CPA4: variants seen among roughly 807,000 people sequenced by gnomAD.
CPA4 encodes carboxypeptidase A4.
A neutral mutation model predicts 54.7 loss-of-function variants in CPA4; 49 were observed. The ratio of observed to expected loss-of-function variants is 0.90; its 90% CI spans 0.71 to 1.14. The LOEUF is 1.14. CPA4 is among the 50% of genes most tolerant of loss of function. CPA4 has a pLI of 0.00. For missense variants in CPA4, 487 were observed against 525.1 expected (o/e 0.93, Z 0.71); for synonymous variants, 215 against 206.8 (o/e 1.04, Z -0.34).
In CPA4 at chr7:130,293,233, A is replaced by C. The variant is rs1793599704; in HGVS notation, c.53A>C (p.Gln18Pro). 6.2e-7 allele frequency: 1 copy of C among 1,609,962 alleles called. No homozygotes were observed. The highest frequency in any genetic ancestry group is 8.5e-7 in the Non-Finnish European group (1 of 1,176,738). ...GALIGSSICG[Q>P]EKFFGDQVLR... ...CTTATTGGGTCCAGCATCTGTGGCC[A>C]AGAAAAATTTTTTGGGTAAGTTCCT... is the stretch of plus-strand genomic sequence containing the variant. The change falls in exon 1 of 11, where the codon CAA (glutamine) becomes CCA (proline). Residue 18 changes from glutamine (Q) to proline (P), a missense_variant. Transcript: ENST00000222482.
At chr7:130,301,687 C>T (rs534106577) in intron 4 of CPA4, among the ~76,000 whole-genome samples, 8 of 152,246 alleles carry the variant, frequency 5.3e-5, no homozygotes, top group Non-Finnish European at 8.8e-5. Flanking sequence ...TTTCACAAGG[C>T]GTATACTTTG....
At chr7:130,299,160 C>A in intron 2 of CPA4, 110 bp from the exon 3 acceptor site, 1 of 1,200,374 alleles carries the variant, frequency 8.3e-7, no homozygotes, top group Non-Finnish European at 1.2e-6. Flanking sequence ...TGGGCAGAGC[C>A]TAGCCTCTCA....
At chr7:130,316,014 G>T (rs952069236) in intron 10 of CPA4, among the ~76,000 whole-genome samples, 28 of 152,226 alleles carry the variant, frequency 1.8e-4, no homozygotes, top group African/African-American at 6.7e-4. Context: ...CCAGTATGGG[G>T]GTTTGAATTG....
At chr7:130,311,203 A>G (rs1584751974) in intron 9 of CPA4, among the ~76,000 whole-genome samples, 1 of 152,074 alleles carries the variant, frequency 6.6e-6, no homozygotes, top group Non-Finnish European at 1.5e-5. Context: ...AGTTCCCAGA[A>G]CCGTGCCTGC....
chr7:130,299,906 GCACCC>G, intron 3 of CPA4: 1 of 163,002 alleles, frequency 6.1e-6, no homozygotes, highest in Admixed American at 5.7e-5. Flanking sequence ...AGCCACAGAG[GCACCC>G]TTTGAGACAG....
chr7:130,317,312 A>AT (rs991050891), intron 10 of CPA4, among the ~76,000 whole-genome samples: 3 of 152,222 alleles, frequency 2.0e-5, no homozygotes, highest in African/African-American at 7.2e-5. Flanking sequence ...AGGCTATGCC[A>AT]TATAGTCTAG....
chr7:130,318,439 T>C (rs1794024947), intron 10 of CPA4, among the ~76,000 whole-genome samples: 3 of 152,228 alleles, frequency 2.0e-5, no homozygotes, highest in Admixed American at 6.5e-5. Context: ...GGAGTTTCGT[T>C]TCGCTCTTGT....
At chr7:130,298,393 G>C (rs117586835) in intron 1 of CPA4, among the ~76,000 whole-genome samples, 7,164 of 152,260 alleles carry the variant, frequency 0.047, 228 homozygotes, top group Middle Eastern at 0.082. Flanking sequence ...GGGGAAAAAA[G>C]TAAGTCATCC....
intron 10 of CPA4, among the ~76,000 whole-genome samples, chr7:130,313,534 A>G (rs1793944111): frequency 6.7e-6 from 1 of 149,942 alleles, no homozygotes; most frequent in African/African-American, 2.4e-5. Context: ...GGCTTTTATA[A>G]GGCTTCGGGC....
intron 2 of CPA4, 124 bp from the exon 3 acceptor site, chr7:130,299,146 C>A: frequency 9.6e-7 from 1 of 1,037,750 alleles, no homozygotes; most frequent in Non-Finnish European, 1.5e-6. Context: ...GCAAACTTTG[C>A]CCTTGGGCAG....
chr7:130,304,259 C>T lies in CPA4; in HGVS notation c.385-219C>T, dbSNP rs373283863. Among the ~76,000 whole-genome samples the T allele has an allele frequency of 7.9e-5, 12 of 152,278 alleles. No homozygotes were observed. In the East Asian group the frequency reaches 2.1e-3, roughly 27 times the overall value. ...CTCTCTACTCTAGTTTAGTGGACTA[C>T]AATTTTGTGAACAAACAAGTGTGCT... is the stretch of plus-strand genomic sequence containing the variant. On this transcript the variant is annotated intron_variant, in intron 4 of 10. Transcript: ENST00000222482.
At chr7:130,320,729 T>C (rs1440973111) in intron 10 of CPA4, among the ~76,000 whole-genome samples, 1 of 152,238 alleles carries the variant, frequency 6.6e-6, no homozygotes, top group East Asian at 1.9e-4. Context: ...TGTATTTCCT[T>C]AGGTGAATTA....
intron 5 of CPA4, 51 bp downstream of exon 5, chr7:130,304,630 C>G (rs1248357825): frequency 4.6e-6 from 5 of 1,089,234 alleles, no homozygotes; most frequent in Non-Finnish European, 7.1e-6. Context: ...TGCCCAGGAC[C>G]CAGCCTCAGA....
At chr7:130,311,068 T>C (rs752767198) in intron 9 of CPA4, 82 bp downstream of exon 9, 294 of 1,124,850 alleles carry the variant, frequency 2.6e-4, no homozygotes, top group Middle Eastern at 5.7e-4. Context: ...TGCAGCTTTA[T>C]AGGGAGGGTC....
At chr7:130,301,167 C>A (rs28595688) in intron 4 of CPA4, among the ~76,000 whole-genome samples, 3,543 of 152,286 alleles carry the variant, frequency 0.023, 142 homozygotes, top group African/African-American at 0.081. Flanking sequence ...TTTCAGAATA[C>A]CATGAAAATA....
intron 1 of CPA4, among the ~76,000 whole-genome samples, chr7:130,296,531 T>G (rs763169956): frequency 6.6e-6 from 1 of 152,208 alleles, no homozygotes; most frequent in Non-Finnish European, 1.5e-5. Flanking sequence ...AAAGAGCTTC[T>G]TATTCTTATG....
intron 3 of CPA4, among the ~76,000 whole-genome samples, chr7:130,300,333 A>ATTTT (rs767924823): frequency 4.0e-5 from 5 of 124,432 alleles, no homozygotes; most frequent in African/African-American, 6.2e-5. Flanking sequence ...CAAGAAGTAA[A>ATTTT]TTTTTTTTTT....
chr7:130,295,263 T>C (rs921477045), intron 1 of CPA4, among the ~76,000 whole-genome samples: 1 of 152,168 alleles, frequency 6.6e-6, no homozygotes. Context: ...AGGGGAGGGA[T>C]AGATGCTCAG....
Position 130,322,577 on chromosome 7 carries a change from T to C in CPA4, c.1167T>C (p.Tyr389=), listed in dbSNP as rs1408943272. 1.2e-6 allele frequency: 2 copies of C among 1,614,184 alleles called. No homozygotes were observed. Among genetic ancestry groups the C allele is most frequent in the East Asian group, 4.5e-5 (2 of 44,880 alleles). The stretch of plus-strand genomic sequence containing the variant: ...TTGAGTTGAGAGATACCGGGACCTA[T>C]GGCTTCCTCCTGCCAGCTAACCAGA... ...FTFELRDTGT[Y]GFLLPANQII... is the part of the protein sequence containing the mutation. Residue 389 remains tyrosine, a synonymous_variant, in exon 11 of 11, where the codon TAT becomes TAC. Transcript: ENST00000222482.
Sources: allele counts gnomAD v4.1 joint callset (sites outside exome capture counted in the v4.1 genomes callset), GRCh38; gene constraint gnomAD v4.1.1; transcripts MANE v1.5; gene names NCBI Gene and HGNC (gene_info 2026-07-23, HGNC 2026-07-21).